TACC3: variants seen among roughly 807,000 people sequenced by gnomAD.
The protein encoded by TACC3 is transforming acidic coiled-coil containing protein 3.
Under a neutral mutation model 86.0 loss-of-function variants are expected in TACC3, and 52 were observed. The ratio of observed to expected loss-of-function variants is 0.60; its 90% confidence interval spans 0.48 to 0.76. The LOEUF is 0.76. TACC3 is among the 30% of genes least tolerant of loss of function. TACC3 has a pLI of 0.00. For missense variants in TACC3, 1,120 were observed against 1,070.4 expected, an observed-to-expected ratio of 1.05 and a Z score of -0.65; for synonymous variants, 512 against 430.0, an observed-to-expected ratio of 1.19 and a Z score of -2.36.
intron 14 of TACC3, 31 bp downstream of exon 14, chr4:1,744,655 G>A: frequency 6.2e-7 from 1 of 1,612,358 alleles, no homozygotes; most frequent in South Asian, 1.1e-5. Flanking sequence ...CACCCTGGAG[G>A]GAGAATCTGA....
intron 13 of TACC3, among the ~76,000 whole-genome samples, chr4:1,743,072 GC>G (rs1718671245): frequency 6.9e-6 from 1 of 145,944 alleles, no homozygotes; most frequent in Non-Finnish European, 1.5e-5. Flanking sequence ...GACCATTCTG[GC>G]CAACATGGTG....
chr4:1,723,613 G>A, intron 2 of TACC3, 30 bp downstream of exon 2: 2 of 1,609,076 alleles, frequency 1.2e-6, no homozygotes, highest in Non-Finnish European at 1.7e-6. Flanking sequence ...TGTGTGGCTG[G>A]CCAGGTTGCC....
chr4:1,737,159 G>A, intron 8 of TACC3, 82 bp from the exon 9 acceptor site: 2 of 1,194,032 alleles, frequency 1.7e-6, no homozygotes, highest in Non-Finnish European at 1.2e-6. Flanking sequence ...AAAGAGCCCG[G>A]TTAGCTTGTC....
At chr4:1,730,826 G>A (rs1255961157) in intron 4 of TACC3, 61 bp from the exon 5 acceptor site, 7 of 1,553,644 alleles carry the variant, frequency 4.5e-6, no homozygotes, top group Non-Finnish European at 6.2e-6. Context: ...CAGTGCTGGA[G>A]CAGGGGACGC....
At chr4:1,738,309 G>A (rs1577221883) in intron 10 of TACC3, 1 of 230,872 alleles carries the variant, frequency 4.3e-6, no homozygotes, top group East Asian at 1.2e-4. Context: ...TGGCAGGGCT[G>A]GGTTCAAGCC....
intron 11 of TACC3, 80 bp from the exon 12 acceptor site, chr4:1,739,861 CATCCCCCTCGCCATCCCT>C (rs1258243801): frequency 2.9e-5 from 45 of 1,573,574 alleles, no homozygotes; most frequent in Non-Finnish European, 3.6e-5. Context: ...TCCTTGTCCC[CATCCCCCTCGCCATCCCT>C]GTCCCCGTCC....
At chr4:1,725,088 A>C in intron 3 of TACC3, among the ~76,000 whole-genome samples, 1 of 151,290 alleles carries the variant, frequency 6.6e-6, no homozygotes. Context: ...GCGCCACCAC[A>C]CCTGGCTAAT....
At chr4:1,721,364 G>T (rs1213947562), upstream of TACC3, 4 of 92,634 alleles carry the variant, frequency 4.3e-5, no homozygotes, top group Admixed American at 4.4e-4. Flanking sequence ...AACCGTCGGC[G>T]CCCGAGCGGG....
intron 10 of TACC3, chr4:1,739,259 G>A (rs1180464970): frequency 1.3e-5 from 2 of 157,320 alleles, no homozygotes; most frequent in African/African-American, 4.8e-5. Flanking sequence ...AGCAAGCAGA[G>A]ATCACGTGAC....
At chr4:1,721,315 G>C (rs553390008), upstream of TACC3, 1 of 139,620 alleles carries the variant, frequency 7.2e-6, no homozygotes, top group African/African-American at 2.6e-5. Context: ...CGGGGTCTCA[G>C]CTTCAGACAC....
chr4:1,730,105 C>T (rs1717926641), intron 4 of TACC3, among the ~76,000 whole-genome samples: 1 of 152,254 alleles, frequency 6.6e-6, no homozygotes, highest in Non-Finnish European at 1.5e-5. Context: ...GTGGCGTGAT[C>T]TCGCCTCACT....
intron 1 of TACC3, among the ~76,000 whole-genome samples, chr4:1,722,954 G>C (rs78203006): frequency 6.6e-6 from 1 of 152,024 alleles, no homozygotes; most frequent in Admixed American, 6.5e-5. Context: ...GACCAGAGCC[G>C]CTGTCCTGCT....
chr4:1,722,878 C>G (rs1717481418), intron 1 of TACC3, among the ~76,000 whole-genome samples: 1 of 152,130 alleles, frequency 6.6e-6, no homozygotes, highest in Non-Finnish European at 1.5e-5. Flanking sequence ...TCTCCCAGCT[C>G]CTCCTCTGGG....
rs560721664 is a variant in TACC3, at chr4:1,725,573, C to T, written c.305+1703C>T. ...CCTCCCAGCTGCCATGGGTGTGATC[C>T]GTCCCAGAGCCACAGATCCCCTGCC... On this transcript the variant is annotated intron_variant, in intron 3 of 15. Transcript: ENST00000313288. Among the ~76,000 whole-genome samples the T allele has an allele frequency of 5.1e-4, 78 of 152,334 alleles. No homozygotes were observed. In the South Asian group the frequency reaches 0.013, roughly 25 times the overall value.
At position 1,731,222 on chromosome 4, in the gene TACC3, C is replaced by T. The variant is rs1717993087; in HGVS notation, c.1512C>T (p.Gly504=). 6.2e-7 allele frequency: 1 copy of T among 1,613,402 alleles called. No individual in the cohort carries two copies. The highest frequency in any genetic ancestry group is 8.5e-7 in the Non-Finnish European group (1 of 1,180,008). ...CCTCGCTTCCCACAAGCTGTCCAGG[C>T]AGTGAGCCAGTGCCCACCCATCAGC... ...ASTSLPTSCP[G]SEPVPTHQQG... Residue 504 remains glycine (G), a synonymous_variant, in exon 6 of 16, where the codon GGC becomes GGT. Coordinates refer to ENST00000313288, the MANE Select transcript of TACC3 (RefSeq NM_006342.3).
At chr4:1,741,425 G>T (rs10015712) in intron 13 of TACC3, 4,450 of 154,144 alleles carry the variant, frequency 0.029, 99 homozygotes, top group South Asian at 0.065. Context: ...AGGCCACCCT[G>T]GTGTCCTCCT....
In TACC3 at chr4:1,740,898, C is replaced by T; in HGVS notation, c.2135C>T (p.Thr712Ile). 4 of 1,613,314 alleles carry T rather than the reference C, an allele frequency of 2.5e-6. No homozygotes were observed. Among genetic ancestry groups the T allele is most frequent in the Admixed American group, 1.7e-5 (1 of 59,978 alleles). Residue 712 changes from threonine to isoleucine, a missense_variant, in exon 13 of 16, where the codon ACC becomes ATC. By Grantham distance (89) the Thr-to-Ile change is moderately conservative. Coordinates refer to ENST00000313288, the MANE Select transcript of TACC3 (RefSeq NM_006342.3). ...GTTCTAAAAGAAAAAGACCAACTTA[C>T]CACAGATCTGAACTCCATGGAGAAG... is the stretch of plus-strand genomic sequence containing the variant. The part of the protein sequence containing the change: ...QKVLKEKDQL[T>I]TDLNSMEKSF...
chr4:1,724,125 C>T (rs189812863), intron 3 of TACC3, among the ~76,000 whole-genome samples: 11 of 152,104 alleles, frequency 7.2e-5, no homozygotes, highest in East Asian at 1.9e-4. Flanking sequence ...CCTGCCACCA[C>T]GCCCGGCTAA....
rs184402182 is a variant in TACC3, at chr4:1,737,711, G to A, written c.1941+9G>A. 113 of 1,550,178 alleles carry A rather than the reference G, an allele frequency of 7.3e-5. 1 individual carries two copies. In the East Asian group the frequency reaches 1.2e-3, roughly 16 times the overall value. ...AGGACCTGGATGCAGTGGTAAGGAC[G>A]CAGGTAGTAGCTATTCCACAGAACC... On this transcript the variant is annotated intron_variant, in intron 10 of 15. Transcript: ENST00000313288.
Sources: gnomAD v4.1 joint callset for allele counts (sites outside exome capture counted in the v4.1 genomes callset) on GRCh38, gnomAD v4.1.1 for gene constraint, MANE v1.5 for transcripts, NCBI Gene and HGNC (gene_info 2026-07-23, HGNC 2026-07-21) for gene names.